Variants in NAA20 observed in about 807,000 individuals in gnomAD.
NAA20 encodes the protein N-alpha-acetyltransferase 20.
In NAA20, 24 loss-of-function variants were observed where a neutral mutation model predicts 23.8. The ratio of observed to expected loss-of-function variants is 1.01; its 90% CI spans 0.73 to 1.42. The LOEUF (loss-of-function observed/expected upper bound fraction) is 1.42. Among genes scored for constraint, NAA20 ranks in the 40% most tolerant of loss-of-function variants. NAA20 has a pLI of 0.00. For missense variants in NAA20, 166 were observed against 223.1 expected, an observed-to-expected ratio of 0.74 and a Z score of 1.63; for synonymous variants, 83 against 77.7, an observed-to-expected ratio of 1.07 and a Z score of -0.36.
rs6046551 is a variant in NAA20, at chr20:20,028,493, A to T, written c.305+1574A>T. Among the ~76,000 whole-genome samples the T allele has an allele frequency of 6.9e-3, 1,049 of 152,068 alleles. 16 individuals carry two copies. Among genetic ancestry groups the T allele is most frequent in the African/African-American group, 0.024 (993 of 41,472 alleles). On this transcript the variant is annotated intron_variant, in intron 4 of 5. Transcript: ENST00000334982. ...CCAGAACTTAAAGTATAATAATAAT[A>T]AAAAAAAGCAGGTCGTAACTAGCTA...
At chr20:20,021,530 C>T (rs1243972557) in intron 1 of NAA20, among the ~76,000 whole-genome samples, 1 of 152,014 alleles carries the variant, frequency 6.6e-6, no homozygotes. Flanking sequence ...TTTGTGTTAA[C>T]GTGTAATTGA....
At chr20:20,017,828 C>T in intron 1 of NAA20, 2 of 1,502,678 alleles carry the variant, frequency 1.3e-6, no homozygotes, top group East Asian at 4.7e-5. Context: ...CCCTGCCCTA[C>T]TGCTTGCTGG....
At chr20:20,022,243 A>G (rs2043273498) in intron 1 of NAA20, among the ~76,000 whole-genome samples, 1 of 152,372 alleles carries the variant, frequency 6.6e-6, no homozygotes, top group East Asian at 1.9e-4. Flanking sequence ...GTTAAGTGAA[A>G]AAATATGTAA....
Position 20,025,675 on chromosome 20 carries a change from A to AGTAT in NAA20, c.79_82dup. 6.2e-7 allele frequency: 1 copy of AGTAT among 1,602,094 alleles called. No homozygotes were observed. The highest frequency in any genetic ancestry group is 8.6e-7 in the Non-Finnish European group (1 of 1,169,140). On this transcript the variant is annotated splice_acceptor_variant, in intron 2 of 5. Coordinates refer to ENST00000334982, the MANE Select transcript of NAA20 (RefSeq NM_016100.5). LOFTEE classifies it high-confidence loss of function. ...TTTTCACACTCCTTAACAGGACTCT[A>AGTAT]GTATGGGATTCCTTTCTACCTACAA...
chr20:20,025,934 C>T (rs1399560131), intron 3 of NAA20, among the ~76,000 whole-genome samples, 167 bp downstream of exon 3: 2 of 152,014 alleles, frequency 1.3e-5, no homozygotes, highest in African/African-American at 4.8e-5. Flanking sequence ...TGTGCTAGGC[C>T]CAGGCGATAA....
At chr20:20,029,104 ACTCTATTT>A (rs2043325540) in intron 4 of NAA20, among the ~76,000 whole-genome samples, 1 of 151,922 alleles carries the variant, frequency 6.6e-6, no homozygotes, top group South Asian at 2.1e-4. Flanking sequence ...AGCTATGATG[ACTCTATTT>A]AAAAGACAAA....
chr20:20,027,429 CCAA>C (rs2043313619), intron 4 of NAA20, among the ~76,000 whole-genome samples: 1 of 151,936 alleles, frequency 6.6e-6, no homozygotes, highest in Non-Finnish European at 1.5e-5. Context: ...TGGCTAGCTA[CCAA>C]TGAGAGGTGT....
rs1192942582 is a variant in NAA20 at position 20,017,443 on chromosome 20, A to G, written c.47A>G (p.Asn16Ser). 14 of 1,610,986 alleles carry G rather than the reference A, an allele frequency of 8.7e-6. No individual in the cohort carries two copies. The highest frequency in any genetic ancestry group is 1.3e-5 in the African/African-American group (1 of 74,634). The change falls in exon 1 of 6, where the codon AAC becomes AGC. Residue 16 changes from asparagine to serine, a missense_variant. Asn to Ser is a conservative substitution (Grantham distance 46). Coordinates refer to ENST00000334982, the MANE Select transcript of NAA20 (RefSeq NM_016100.5). ...AFTCDDLFRF[N>S]NINLDPLTET... is the part of the protein sequence containing the mutation. ...ACCTGCGACGACCTGTTCCGCTTCA[A>G]CAACATGTGAGTGACACGCGCCTAG...
At chr20:20,018,761 G>A (rs191390151) in intron 1 of NAA20, 18 of 288,278 alleles carry the variant, frequency 6.2e-5, no homozygotes, top group Non-Finnish European at 8.3e-5. Flanking sequence ...ATTGTTCTGA[G>A]TGCCCACGTA....
chr20:20,020,117 T>A (rs964189895), intron 1 of NAA20, among the ~76,000 whole-genome samples: 2 of 152,184 alleles, frequency 1.3e-5, no homozygotes, highest in Non-Finnish European at 2.9e-5. Context: ...CTTTATAGAA[T>A]GTAGATTTTC....
chr20:20,028,749 ATTAAAAATAGAAACCAAAC>A (rs1242866823), intron 4 of NAA20, among the ~76,000 whole-genome samples: 1 of 152,212 alleles, frequency 6.6e-6, no homozygotes, highest in African/African-American at 2.4e-5. Context: ...CAATGTATAC[ATTAAAAATAGAAACCAAAC>A]AAGTAGAGGA....
intron 1 of NAA20, 190 bp downstream of exon 1, chr20:20,017,639 G>A (rs767466294): frequency 2.2e-4 from 291 of 1,328,578 alleles, no homozygotes; most frequent in Middle Eastern, 2.7e-4. Flanking sequence ...TGGGCCTGGA[G>A]TCGACGCACG....
chr20:20,027,045 C>T (rs1488318593), intron 4 of NAA20, 126 bp downstream of exon 4: 1 of 1,267,910 alleles, frequency 7.9e-7, no homozygotes, highest in African/African-American at 1.5e-5. Context: ...TCCAGTAGTC[C>T]TTAGAACAAT....
chr20:20,029,881 T>TTTTTGTTTTGTTTTG lies in NAA20; in HGVS notation c.306-2612_306-2598dup, dbSNP rs144371833. ...CCACCTAAAGTCTTGGTTACATAGT[T>TTTTTGTTTTGTTTTG]TTTTGTTTTGTTTTGTTTTGTTTTG... On this transcript the variant is annotated intron_variant, in intron 4 of 5. Transcript: ENST00000334982. Among the ~76,000 whole-genome samples, 364 of 151,954 alleles carry TTTTTGTTTTGTTTTG rather than the reference T, an allele frequency of 2.4e-3. 2 individuals carry two copies. The highest frequency in any genetic ancestry group is 8.5e-3 in the African/African-American group (353 of 41,408).
At position 20,033,232 on chromosome 20, in the gene NAA20, A is replaced by G. The variant is rs553084681; in HGVS notation, c.*45A>G. 60 of 1,439,472 alleles carry G rather than the reference A, an allele frequency of 4.2e-5. No individual in the cohort carries two copies. In the East Asian group the frequency reaches 1.0e-3, roughly 25 times the overall value. The allele number at this position is 1,439,472 out of a possible 1,614,324, so 89.2% of individuals were successfully genotyped here. On this transcript the variant is annotated 3_prime_UTR_variant, in exon 6 of 6. Coordinates refer to ENST00000334982, the MANE Select transcript of NAA20 (RefSeq NM_016100.5). ...GGCAGATACTCTAGATGCTTTATGG[A>G]CAATATTATTTTCATTGGATGATTC...
At position 20,025,768 on chromosome 20, in the gene NAA20, G is replaced by A. The variant is rs1365314686; in HGVS notation, c.169+1G>A. 3.8e-6 allele frequency: 6 copies of A among 1,573,650 alleles called. No individual in the cohort carries two copies. The highest frequency in any genetic ancestry group is 2.2e-5 in the East Asian group (1 of 44,676). On this transcript the variant is annotated splice_donor_variant, in intron 3 of 5. Coordinates refer to ENST00000334982, the MANE Select transcript of NAA20 (RefSeq NM_016100.5). LOFTEE classifies it high-confidence loss of function. The stretch of plus-strand genomic sequence containing the variant: ...CCTGGTGGAGAATTAATGGGTTATA[G>A]TAAGTATAATACCACTAGTATTTTG...
chr20:20,017,689 C>T, intron 1 of NAA20: 2 of 1,424,078 alleles, frequency 1.4e-6, no homozygotes, highest in Non-Finnish European at 1.8e-6. Flanking sequence ...CAAACTTTGT[C>T]TCTGGACCCT....
chr20:20,033,072 G>T, intron 5 of NAA20, 30 bp from the exon 6 acceptor site: 5 of 1,503,458 alleles, frequency 3.3e-6, no homozygotes, highest in Non-Finnish European at 4.6e-6. Flanking sequence ...CATTTTTTGG[G>T]TGTTTATATT....
At chr20:20,020,947 C>T (rs12626112) in intron 1 of NAA20, among the ~76,000 whole-genome samples, 21,004 of 148,468 alleles carry the variant, frequency 0.14, 2,876 homozygotes, top group East Asian at 0.6. Flanking sequence ...GTCCCGAGTA[C>T]TGAGGGGGTC....
Sources: allele counts gnomAD v4.1 joint callset (sites outside exome capture counted in the v4.1 genomes callset), GRCh38; gene constraint gnomAD v4.1.1; transcripts MANE v1.5; gene names NCBI Gene and HGNC (gene_info 2026-07-23, HGNC 2026-07-21).